Variants in WWOX observed in about 807,000 individuals in gnomAD.
WWOX encodes the protein WW domain-containing oxidoreductase.
A neutral mutation model predicts 46.2 loss-of-function variants in WWOX; 69 were observed. The observed-to-expected ratio is 1.49, with a 90% CI of 1.23 to 1.82. The LOEUF is 1.82. Among genes scored for constraint, WWOX ranks in the 40% most tolerant of loss-of-function variants. The pLI is 0.00. For missense variants in WWOX, 919 were observed against 542.6 expected (o/e 1.69, Z -6.89); for synonymous variants, 359 against 202.6 (o/e 1.77, Z -6.56).
chr16:78,153,034 C>T (rs1007551874), intron 4 of WWOX, among the ~76,000 whole-genome samples: 1 of 152,166 alleles, frequency 6.6e-6, no homozygotes. Context: ...TTATTTTTCT[C>T]TAGAGAGACC....
chr16:78,488,418 C>A (rs943195859), intron 8 of WWOX, among the ~76,000 whole-genome samples: 2 of 152,042 alleles, frequency 1.3e-5, no homozygotes, highest in African/African-American at 4.8e-5. Flanking sequence ...CAGTGGTACA[C>A]CTGAGCCCTT....
chr16:78,356,944 G>A (rs1047652232), intron 5 of WWOX, among the ~76,000 whole-genome samples: 1 of 152,116 alleles, frequency 6.6e-6, no homozygotes, highest in Non-Finnish European at 1.5e-5. Flanking sequence ...ACCCAATCAA[G>A]GATTAAATGG....
chr16:79,023,739 G>A (rs2047581539), intron 8 of WWOX, among the ~76,000 whole-genome samples: 1 of 150,716 alleles, frequency 6.6e-6, no homozygotes, highest in African/African-American at 2.4e-5. Context: ...CTGGCTGGTG[G>A]TGATACCCCA....
chr16:78,371,546 T>C (rs2081686656), intron 5 of WWOX, among the ~76,000 whole-genome samples: 1 of 152,180 alleles, frequency 6.6e-6, no homozygotes. Flanking sequence ...ATTTCTATTA[T>C]AAATGGTTAA....
chr16:79,047,273 T>C (rs2048082945), intron 8 of WWOX, among the ~76,000 whole-genome samples: 1 of 152,194 alleles, frequency 6.6e-6, no homozygotes, highest in Non-Finnish European at 1.5e-5. Flanking sequence ...CACAAATACT[T>C]GTGTGAGAAG....
At chr16:78,691,236 T>C (rs2142265680) in intron 8 of WWOX, 1 of 702,234 alleles carries the variant, frequency 1.4e-6, no homozygotes, top group African/African-American at 1.7e-5. Context: ...TTGTTTGTGA[T>C]TCCAGGTTTC....
At chr16:78,546,174 A>G (rs181558663) in intron 8 of WWOX, among the ~76,000 whole-genome samples, 13 of 152,340 alleles carry the variant, frequency 8.5e-5, no homozygotes, top group Non-Finnish European at 1.6e-4. Context: ...TACTATGACA[A>G]AGAATGTAAG....
intron 8 of WWOX, among the ~76,000 whole-genome samples, chr16:79,120,236 T>C (rs1419633599): frequency 1.3e-5 from 2 of 152,160 alleles, no homozygotes; most frequent in Non-Finnish European, 2.9e-5. Context: ...GATTGGCCAC[T>C]CCCAGATTCC....
intron 8 of WWOX, among the ~76,000 whole-genome samples, chr16:78,484,857 C>G (rs1302620766): frequency 6.6e-6 from 1 of 152,120 alleles, no homozygotes; most frequent in East Asian, 1.9e-4. Flanking sequence ...AGTGCCATTG[C>G]ATTTGTCTCC....
chr16:78,185,502 T>A (rs968984111), intron 5 of WWOX, among the ~76,000 whole-genome samples: 3 of 150,264 alleles, frequency 2.0e-5, no homozygotes, highest in Non-Finnish European at 3.0e-5. Flanking sequence ...TTTTTTTTTT[T>A]AAGTAAGTTT....
chr16:79,110,765 G>C (rs1049470998), intron 8 of WWOX: 1 of 152,214 alleles, frequency 6.6e-6, no homozygotes, highest in Non-Finnish European at 1.5e-5. Flanking sequence ...TGGAGCAGGA[G>C]TTTCTGGAGT....
intron 8 of WWOX, among the ~76,000 whole-genome samples, chr16:79,082,397 G>GT (rs2048776890): frequency 6.6e-6 from 1 of 152,100 alleles, no homozygotes; most frequent in Non-Finnish European, 1.5e-5. Flanking sequence ...TGTTATGAGA[G>GT]TTACATCAGG....
At chr16:78,398,642 C>T (rs1339634713) in intron 6 of WWOX, among the ~76,000 whole-genome samples, 4 of 152,162 alleles carry the variant, frequency 2.6e-5, no homozygotes, top group African/African-American at 9.6e-5. Context: ...AACTGAGCTC[C>T]AGAGGAGCAG....
chr16:78,424,481 A>C (rs143360840), intron 6 of WWOX, among the ~76,000 whole-genome samples: 71 of 152,290 alleles, frequency 4.7e-4, no homozygotes, highest in African/African-American at 1.5e-3. Flanking sequence ...TTTAAGGGCT[A>C]TTTTGATTTA....
intron 8 of WWOX, among the ~76,000 whole-genome samples, chr16:79,173,631 A>C (rs559248530): frequency 6.6e-6 from 1 of 151,942 alleles, no homozygotes; most frequent in Non-Finnish European, 1.5e-5. Flanking sequence ...TTCTCTTGAA[A>C]AATTTGAAGA....
At chr16:78,976,047 C>T (rs1016781755) in intron 8 of WWOX, among the ~76,000 whole-genome samples, 2 of 152,162 alleles carry the variant, frequency 1.3e-5, no homozygotes, top group South Asian at 4.1e-4. Flanking sequence ...GCCAGCGCCC[C>T]GCTCTGGGCT....
chr16:78,890,883 C>G (rs753925435), intron 8 of WWOX: 9 of 152,172 alleles, frequency 5.9e-5, no homozygotes, highest in African/African-American at 1.9e-4. Context: ...TAGGTACATT[C>G]CTGCACCACT....
At chr16:78,304,930 C>T (rs2080104809) in intron 5 of WWOX, among the ~76,000 whole-genome samples, 1 of 151,888 alleles carries the variant, frequency 6.6e-6, no homozygotes, top group Non-Finnish European at 1.5e-5. Context: ...TCTTTCCTTC[C>T]TCTTTTCCCT....
chr16:78,878,822 G>C (rs1482529299), intron 8 of WWOX, among the ~76,000 whole-genome samples: 1 of 144,408 alleles, frequency 6.9e-6, no homozygotes, highest in African/African-American at 2.6e-5. Flanking sequence ...TGAGGCAGGA[G>C]AATCCCTATG....
Sources: allele counts gnomAD v4.1 joint callset (sites outside exome capture counted in the v4.1 genomes callset), GRCh38; gene constraint gnomAD v4.1.1; transcripts MANE v1.5; gene names NCBI Gene and HGNC (gene_info 2026-07-23, HGNC 2026-07-21).